Variants in DLGAP2 observed in about 807,000 individuals in gnomAD.
The protein encoded by DLGAP2 is disks large-associated protein 2.
In DLGAP2, 26 loss-of-function variants were observed where a neutral mutation model predicts 100.3. That is an observed-to-expected ratio of 0.26 (90% CI 0.19 to 0.36). DLGAP2 has a LOEUF of 0.36. Among genes scored for constraint, DLGAP2 ranks in the 10% least tolerant of loss-of-function variants. The pLI, the probability that DLGAP2 is intolerant of heterozygous loss-of-function variation, is 1.00. For synonymous variants in DLGAP2, 886 were observed against 630.1 expected, an observed-to-expected ratio of 1.41 and a Z score of -6.08; for missense variants, 1,858 against 1,453.2, an observed-to-expected ratio of 1.28 and a Z score of -4.53.
intron 2 of DLGAP2, among the ~76,000 whole-genome samples, chr8:972,662 CG>C (rs1021542789): frequency 2.5e-4 from 35 of 142,594 alleles, no homozygotes; most frequent in Non-Finnish European, 4.3e-4. Context: ...GTGTGTTTCT[CG>C]CAGAGGGGGA....
At chr8:1,296,820 C>T (rs541972985) in intron 3 of DLGAP2, among the ~76,000 whole-genome samples, 6 of 152,294 alleles carry the variant, frequency 3.9e-5, no homozygotes, top group South Asian at 2.1e-4. Context: ...CGCACCGGAG[C>T]GGCCCCCGAA....
rs778067723 is a variant in DLGAP2 at position 1,651,166 on chromosome 8, C to T, written c.1811-17163C>T. Among the ~76,000 whole-genome samples, 3 of 152,182 alleles carry T rather than the reference C, an allele frequency of 2.0e-5. No individual in the cohort carries two copies. The East Asian group carries it at 5.8e-4, about 29-fold the overall frequency. On this transcript the variant is annotated intron_variant, in intron 8 of 14. Coordinates refer to ENST00000637795, the MANE Select transcript of DLGAP2 (RefSeq NM_001346810.2). ...CAATTCTTTGCAAACACTCAGACAC[C>T]GTATTTCTTCCTCCCCACCTCTGCC...
At chr8:961,850 A>C (rs1408329241) in intron 2 of DLGAP2, among the ~76,000 whole-genome samples, 2 of 152,196 alleles carry the variant, frequency 1.3e-5, no homozygotes, top group Admixed American at 1.3e-4. Context: ...AAAAGTAACT[A>C]AACTGTCATG....
At position 1,515,587 on chromosome 8, in the gene DLGAP2, C is replaced by G. The variant is rs531798723; in HGVS notation, c.172+14156C>G. Among the ~76,000 whole-genome samples, 5 of 152,076 alleles carry G rather than the reference C, an allele frequency of 3.3e-5. No homozygotes were observed. The East Asian group carries it at 9.7e-4, about 29-fold the overall frequency. On this transcript the variant is annotated intron_variant, in intron 4 of 14. Coordinates refer to ENST00000637795, the MANE Select transcript of DLGAP2 (RefSeq NM_001346810.2). ...ACATGAAAATACAATTGCAGACATG[C>G]AAAAATATGCAGACACACGTGCATG...
chr8:1,639,566 C>G (rs562494772), intron 8 of DLGAP2, among the ~76,000 whole-genome samples: 14 of 152,322 alleles, frequency 9.2e-5, no homozygotes, highest in Admixed American at 7.8e-4. Context: ...CGGGCCTGGA[C>G]TGAGGAACCC....
intron 2 of DLGAP2, among the ~76,000 whole-genome samples, chr8:1,231,967 A>G (rs1461309643): frequency 6.6e-6 from 1 of 152,256 alleles, no homozygotes; most frequent in Non-Finnish European, 1.5e-5. Flanking sequence ...AGTTGAAAAA[A>G]TTAAAAAATG....
intron 1 of DLGAP2, among the ~76,000 whole-genome samples, chr8:796,113 C>A (rs1370151752): frequency 2.0e-5 from 3 of 151,932 alleles, no homozygotes; most frequent in Non-Finnish European, 4.4e-5. Context: ...AGCAGCTGTC[C>A]AGTGAGAGCA....
chr8:970,526 A>T (rs1799986537), intron 2 of DLGAP2, among the ~76,000 whole-genome samples: 1 of 152,124 alleles, frequency 6.6e-6, no homozygotes, highest in South Asian at 2.1e-4. Context: ...TAGGAATAGA[A>T]CAGGCCTGTT....
chr8:889,047 G>A (rs1164023569), intron 1 of DLGAP2, among the ~76,000 whole-genome samples: 1 of 152,206 alleles, frequency 6.6e-6, no homozygotes, highest in Non-Finnish European at 1.5e-5. Context: ...ACAGTCAAAG[G>A]GGGGTTGTTC....
At position 1,707,581 on chromosome 8, in the gene DLGAP2, C is replaced by T. The variant is rs1296416225; in HGVS notation, c.*6175C>T. The T allele has an allele frequency of 6.6e-6, 1 of 152,168 alleles. No homozygotes were observed. The highest frequency in any genetic ancestry group is 1.9e-4 in the East Asian group (1 of 5,172). 9.4% of individuals were successfully genotyped at this position (152,168 alleles called of 1,614,324 possible). Reference sequence around the variant, plus strand: ...AGACCTAGGCTACTTTCGAACGCTTCCTTCCGAACGGTAAGCCACTTCGCT... The same window carrying T: ...AGACCTAGGCTACTTTCGAACGCTTTCTTCCGAACGGTAAGCCACTTCGCT... On this transcript the variant is annotated 3_prime_UTR_variant, in exon 15 of 15. Transcript: ENST00000637795.
chr8:1,080,828 G>GT (rs1244083019), intron 2 of DLGAP2, among the ~76,000 whole-genome samples: 1 of 152,140 alleles, frequency 6.6e-6, no homozygotes. Flanking sequence ...AGCGCTCTGA[G>GT]GAGTTGTCCA....
intron 1 of DLGAP2, among the ~76,000 whole-genome samples, chr8:853,303 G>A (rs537226761): frequency 8.5e-5 from 13 of 152,204 alleles, no homozygotes; most frequent in Non-Finnish European, 1.9e-4. Context: ...TCCCCACAGA[G>A]TCCCAGGAGG....
intron 2 of DLGAP2, among the ~76,000 whole-genome samples, chr8:1,118,354 A>C (rs1002638063): frequency 3.3e-5 from 5 of 152,284 alleles, no homozygotes; most frequent in African/African-American, 1.2e-4. Context: ...ACTGCATTAC[A>C]TTGTCTTTGT....
intron 2 of DLGAP2, among the ~76,000 whole-genome samples, chr8:1,111,074 G>A (rs1376786): frequency 0.099 from 15,091 of 152,270 alleles, 876 homozygotes; most frequent in East Asian, 0.22. Context: ...CACAGTGCCC[G>A]ACTCCGGGGC....
chr8:1,136,815 G>C (rs1275584726), intron 2 of DLGAP2, among the ~76,000 whole-genome samples: 1 of 152,196 alleles, frequency 6.6e-6, no homozygotes, highest in Non-Finnish European at 1.5e-5. Context: ...ACCAGGCCTG[G>C]CTGCTCTCCA....
At chr8:1,408,449 C>G (rs1318979541) in intron 3 of DLGAP2, among the ~76,000 whole-genome samples, 1 of 152,192 alleles carries the variant, frequency 6.6e-6, no homozygotes, top group Non-Finnish European at 1.5e-5. Flanking sequence ...CCACGAGCAT[C>G]TGGGGCACCG....
chr8:1,478,788 C>A (rs1039925921), intron 3 of DLGAP2, among the ~76,000 whole-genome samples: 2 of 152,186 alleles, frequency 1.3e-5, no homozygotes, highest in African/African-American at 2.4e-5. Flanking sequence ...CTGGGAATGC[C>A]GGAAGGCTTG....
intron 12 of DLGAP2, among the ~76,000 whole-genome samples, chr8:1,684,959 C>G (rs188694631): frequency 1.3e-5 from 2 of 152,236 alleles, no homozygotes; most frequent in East Asian, 3.9e-4. Context: ...AACGAATAAC[C>G]TACATGTTCA....
At chr8:748,201 GC>G (rs1820697716) in intron 1 of DLGAP2, among the ~76,000 whole-genome samples, 1 of 122,430 alleles carries the variant, frequency 8.2e-6, no homozygotes, top group Admixed American at 8.1e-5. Context: ...GGGATGGGGG[GC>G]TCTGCGGTGG....
Sources: gnomAD v4.1 joint callset for allele counts (sites outside exome capture counted in the v4.1 genomes callset) on GRCh38, gnomAD v4.1.1 for gene constraint, MANE v1.5 for transcripts, NCBI Gene and HGNC (gene_info 2026-07-23, HGNC 2026-07-21) for gene names.